Variants in DEPTOR observed in about 807,000 individuals in gnomAD.
DEPTOR encodes the protein DEP domain containing MTOR interacting protein.
In DEPTOR, 41 loss-of-function variants were observed where a neutral mutation model predicts 41.6. The observed-to-expected ratio is 0.98, with a 90% confidence interval of 0.77 to 1.28. The LOEUF (loss-of-function observed/expected upper bound fraction) is 1.28, where lower values mean the gene tolerates loss of function less well. DEPTOR is among the 50% of genes most tolerant of loss of function. The pLI, the probability that DEPTOR is intolerant of heterozygous loss-of-function variation, is 0.00. For missense variants in DEPTOR, 514 were observed against 527.9 expected (o/e 0.97, Z 0.26); for synonymous variants, 195 against 192.3 (o/e 1.01, Z -0.12).
chr8:119,886,096 C>G (rs1198530184), intron 1 of DEPTOR, among the ~76,000 whole-genome samples: 3 of 152,136 alleles, frequency 2.0e-5, no homozygotes, highest in African/African-American at 4.8e-5. Context: ...CTGCAAGAAA[C>G]AATCAGCTTA....
Position 119,944,740 on chromosome 8 carries a change from C to T in DEPTOR, c.425+14802C>T, listed in dbSNP as rs139373235. Among the ~76,000 whole-genome samples, 504 of 151,662 alleles carry T rather than the reference C, an allele frequency of 3.3e-3. 4 individuals carry two copies. The highest frequency in any genetic ancestry group is 0.011 in the African/African-American group (452 of 41,332). On this transcript the variant is annotated intron_variant, in intron 3 of 8. Coordinates refer to ENST00000286234, the MANE Select transcript of DEPTOR (RefSeq NM_022783.4). Reference sequence around the variant, plus strand: ...CACAATCTTGGCTTACTGCAACCTCCGCCTCCTGGGTTTAAGCAATTCTCC... The same window carrying T: ...CACAATCTTGGCTTACTGCAACCTCTGCCTCCTGGGTTTAAGCAATTCTCC...
chr8:120,007,216 T>C (rs1812453487), intron 7 of DEPTOR, among the ~76,000 whole-genome samples: 1 of 152,240 alleles, frequency 6.6e-6, no homozygotes, highest in Non-Finnish European at 1.5e-5. Context: ...TAGATTTTAT[T>C]TCCCACCATT....
chr8:119,939,454 A>G (rs1040524823), intron 3 of DEPTOR, among the ~76,000 whole-genome samples: 44 of 152,212 alleles, frequency 2.9e-4, no homozygotes, highest in Admixed American at 3.3e-4. Context: ...TTGGAAAACA[A>G]GTGGTGGGAG....
chr8:120,002,346 GC>G (rs1042930747), intron 5 of DEPTOR, among the ~76,000 whole-genome samples: 10 of 151,904 alleles, frequency 6.6e-5, no homozygotes, highest in African/African-American at 2.4e-4. Flanking sequence ...CACTATGTTG[GC>G]CAGGCTGGTC....
chr8:119,902,867 G>A (rs1487745848), intron 1 of DEPTOR, among the ~76,000 whole-genome samples: 1 of 152,162 alleles, frequency 6.6e-6, no homozygotes, highest in Non-Finnish European at 1.5e-5. Context: ...AAATTGGAGA[G>A]AACATCTTGA....
At chr8:119,886,547 A>G (rs1159088351) in intron 1 of DEPTOR, among the ~76,000 whole-genome samples, 1 of 152,060 alleles carries the variant, frequency 6.6e-6, no homozygotes, top group Non-Finnish European at 1.5e-5. Context: ...ACACACATAG[A>G]CACATACAGG....
chr8:120,038,766 A>G (rs1479079669), intron 8 of DEPTOR, among the ~76,000 whole-genome samples: 3 of 152,154 alleles, frequency 2.0e-5, no homozygotes, highest in African/African-American at 7.2e-5. Context: ...TCTTAAGTGT[A>G]CAAGTTTCGA....
intron 1 of DEPTOR, among the ~76,000 whole-genome samples, chr8:119,879,778 G>A (rs1343169357): frequency 1.3e-5 from 2 of 151,872 alleles, no homozygotes; most frequent in African/African-American, 4.8e-5. Context: ...GGGAGGCCGA[G>A]GTGGGTGGAT....
chr8:120,035,542 G>A (rs1474882383), intron 8 of DEPTOR, among the ~76,000 whole-genome samples: 1 of 152,058 alleles, frequency 6.6e-6, no homozygotes, highest in Non-Finnish European at 1.5e-5. Flanking sequence ...AGAATCTTGT[G>A]GTTATAGTGT....
At chr8:120,022,083 A>T (rs1812726002) in intron 8 of DEPTOR, among the ~76,000 whole-genome samples, 1 of 148,412 alleles carries the variant, frequency 6.7e-6, no homozygotes, top group Non-Finnish European at 1.5e-5. Flanking sequence ...ACTTGGGCAC[A>T]GTAGTTCAAG....
rs777852631 is a variant in DEPTOR at position 120,001,644 on chromosome 8, C to A, written c.724C>A (p.His242Asn). The change falls in exon 5 of 9, where the codon CAT (histidine) becomes AAT (asparagine). Residue 242 changes from histidine (H) to asparagine (N), a missense_variant. Physicochemically the swap from His to Asn is moderately conservative, Grantham distance 68. Transcript: ENST00000286234. ...NEKSPSSQET[H>N]DSPFCLRKQS... ...AAAGTCCCCCTCCTCCCAGGAAACT[C>A]ATGACAGTCCCTTCTGCCTGAGGAA... 211 of 1,614,088 alleles carry A rather than the reference C, an allele frequency of 1.3e-4. No homozygotes were observed. The East Asian group carries it at 2.3e-3, about 18-fold the overall frequency.
intron 8 of DEPTOR, among the ~76,000 whole-genome samples, chr8:120,039,016 A>G (rs894996155): frequency 1.3e-5 from 2 of 152,224 alleles, no homozygotes; most frequent in Non-Finnish European, 2.9e-5. Context: ...GGGGATATGA[A>G]CTACTATGGT....
At chr8:119,887,826 G>C (rs891841172) in intron 1 of DEPTOR, among the ~76,000 whole-genome samples, 11 of 151,186 alleles carry the variant, frequency 7.3e-5, no homozygotes, top group Non-Finnish European at 5.9e-5. Flanking sequence ...TTCTTTCTTT[G>C]TTTTGTTTTT....
intron 1 of DEPTOR, among the ~76,000 whole-genome samples, chr8:119,887,752 A>G (rs1386929074): frequency 6.6e-6 from 1 of 151,222 alleles, no homozygotes; most frequent in Non-Finnish European, 1.5e-5. Context: ...TGATCCGCCC[A>G]CCTCAGCCTC....
intron 4 of DEPTOR, among the ~76,000 whole-genome samples, chr8:119,969,061 C>T (rs1586637399): frequency 6.6e-6 from 1 of 151,716 alleles, no homozygotes; most frequent in African/African-American, 2.4e-5. Flanking sequence ...CGCCACTACA[C>T]TCCAGCCTGG....
intron 1 of DEPTOR, among the ~76,000 whole-genome samples, chr8:119,921,801 C>G (rs1367894222): frequency 6.7e-6 from 1 of 148,674 alleles, no homozygotes; most frequent in African/African-American, 2.5e-5. Context: ...TGCTCTGTCA[C>G]CCAGGCTGGA....
intron 8 of DEPTOR, among the ~76,000 whole-genome samples, chr8:120,045,331 C>T (rs569858458): frequency 9.9e-5 from 15 of 152,278 alleles, no homozygotes; most frequent in Non-Finnish European, 1.6e-4. Flanking sequence ...AAAACAAAAA[C>T]AAGAAATGAC....
intron 3 of DEPTOR, among the ~76,000 whole-genome samples, chr8:119,955,179 T>C (rs1828402621): frequency 6.6e-6 from 1 of 151,550 alleles, no homozygotes; most frequent in Non-Finnish European, 1.5e-5. Context: ...ATTTTAAGAG[T>C]TATTATGTTC....
At chr8:119,932,393 G>T (rs1277591893) in intron 3 of DEPTOR, among the ~76,000 whole-genome samples, 1 of 149,500 alleles carries the variant, frequency 6.7e-6, no homozygotes, top group Admixed American at 6.7e-5. Flanking sequence ...TTGCTTAATG[G>T]GATAGTTATG....
Sources: gnomAD v4.1 joint callset for allele counts (sites outside exome capture counted in the v4.1 genomes callset) on GRCh38, gnomAD v4.1.1 for gene constraint, MANE v1.5 for transcripts, NCBI Gene and HGNC (gene_info 2026-07-23, HGNC 2026-07-21) for gene names.